The following GLIPR1 variants were observed in gnomAD, a reference collection of about 807,000 sequenced individuals.
GLIPR1 encodes glioma pathogenesis-related protein 1.
Under a neutral mutation model 30.3 loss-of-function variants are expected in GLIPR1, and 38 were observed. The observed-to-expected ratio is 1.26, with a 90% CI of 0.97 to 1.65. The LOEUF is 1.65. Ranked by LOEUF, GLIPR1 falls within the 40% of genes most tolerant of loss-of-function variation. GLIPR1 has a pLI of 0.00. For missense variants in GLIPR1, 285 were observed against 326.5 expected (o/e 0.87, Z 0.98); for synonymous variants, 122 against 110.6 (o/e 1.10, Z -0.65).
intron 2 of GLIPR1, among the ~76,000 whole-genome samples, chr12:75,486,816 T>C (rs972491210): frequency 3.3e-5 from 5 of 150,844 alleles, no homozygotes; most frequent in Admixed American, 6.6e-5. Flanking sequence ...CTGGTGGGGG[T>C]TGACCACAAA....
Position 75,490,555 on chromosome 12 carries a change from C to CA in GLIPR1, c.533+37_533+38insA. 3 of 134,546 alleles carry CA rather than the reference C, an allele frequency of 2.2e-5. 1 individual carries two copies. The highest frequency in any genetic ancestry group is 3.3e-5 in the Non-Finnish European group (3 of 89,684). 8.3% of individuals were successfully genotyped at this position (134,546 alleles called of 1,614,324 possible). A position where few individuals can be genotyped will look rare whatever the true frequency, so the allele number is the denominator to read the frequency against. Reference sequence around the variant, plus strand: ...AATCAACCGGTTTATAGGAAACGCCCCCCCCCCCCCGCAAAAAAAAACAAC... The same window carrying CA: ...AATCAACCGGTTTATAGGAAACGCCCACCCCCCCCCCGCAAAAAAAAACAAC... On this transcript the variant is annotated intron_variant, in intron 3 of 5. Coordinates refer to ENST00000266659, the MANE Select transcript of GLIPR1 (RefSeq NM_006851.3).
In GLIPR1 at chr12:75,499,515, G is replaced by A. The variant is rs553792124; in HGVS notation, c.*537G>A. On this transcript the variant is annotated 3_prime_UTR_variant, in exon 6 of 6. Coordinates refer to ENST00000266659, the MANE Select transcript of GLIPR1 (RefSeq NM_006851.3). ...AATATTTACTTGTTATCATTAGAGA[G>A]GGAACATCAAATGCTGGGACATCAT... 1 of 187,972 alleles carries A rather than the reference G, an allele frequency of 5.3e-6. No homozygotes were observed. Among genetic ancestry groups the A allele is most frequent in the South Asian group, 1.7e-4 (1 of 6,048 alleles). 11.6% of individuals were successfully genotyped at this position (187,972 alleles called of 1,614,324 possible).
intron 2 of GLIPR1, among the ~76,000 whole-genome samples, chr12:75,488,582 A>C (rs926592937): frequency 9.9e-5 from 15 of 152,102 alleles, no homozygotes; most frequent in East Asian, 1.9e-4. Flanking sequence ...AAAAAACACA[A>C]CACCAAGATG....
chr12:75,501,455 G>T lies in GLIPR1; in HGVS notation c.*2477G>T, dbSNP rs2046393219. On this transcript the variant is annotated 3_prime_UTR_variant, in exon 6 of 6. Coordinates refer to ENST00000266659, the MANE Select transcript of GLIPR1 (RefSeq NM_006851.3). The stretch of plus-strand genomic sequence containing the variant: ...ACAGAAGATGCACTGGCTGCCCTGG[G>T]TTTGTATCTTTCACAACAAAGAGTC... The T allele has an allele frequency of 5.9e-6, 2 of 338,690 alleles. No homozygotes were observed. Among genetic ancestry groups the T allele is most frequent in the South Asian group, 5.5e-5 (1 of 18,238 alleles). 21.0% of individuals were successfully genotyped at this position (338,690 alleles called of 1,614,324 possible). A position where few individuals can be genotyped will look rare whatever the true frequency, so the allele number is the denominator to read the frequency against.
chr12:75,499,788 A>T lies in GLIPR1; in HGVS notation c.*810A>T. The T allele has an allele frequency of 6.4e-7, 1 of 1,570,262 alleles. No individual in the cohort carries two copies. Among genetic ancestry groups the T allele is most frequent in the South Asian group, 1.2e-5 (1 of 85,134 alleles). The stretch of plus-strand genomic sequence containing the variant: ...ATCCTTTACAAAAGGAGATAGTTCT[A>T]GTCAAGGAGTTTTGGGTATGTTACT... On this transcript the variant is annotated 3_prime_UTR_variant, in exon 6 of 6. Transcript: ENST00000266659.
rs141837973 is a variant in GLIPR1, at chr12:75,481,930, C to T, written c.271C>T (p.Pro91Ser). ...GCTGAAGCCACCCCACAAGCTGCAC[C>T]CAAACTTCACTTCACTGGGAGAGAA... ...TRLKPPHKLH[P>S]NFTSLGENIW... Residue 91 changes from proline to serine, a missense_variant, in exon 2 of 6, where the codon CCA becomes TCA. Coordinates refer to ENST00000266659, the MANE Select transcript of GLIPR1 (RefSeq NM_006851.3). 6.4e-5 allele frequency: 104 copies of T among 1,614,006 alleles called. No homozygotes were observed. Among genetic ancestry groups the T allele is most frequent in the Non-Finnish European group, 7.9e-5 (93 of 1,180,024 alleles).
intron 4 of GLIPR1, chr12:75,496,338 C>T (rs1192248936): frequency 6.6e-6 from 1 of 151,862 alleles, no homozygotes; most frequent in Non-Finnish European, 1.5e-5. Context: ...CTGGGTGACA[C>T]AGTGAGGGTC....
rs755731203 is a variant in GLIPR1, at chr12:75,490,556, C to CAA, written c.533+38_533+39insAA. ...ATCAACCGGTTTATAGGAAACGCCCCCCCCCCCCCGCAAAAAAAAACAACA... is the reference window on the plus strand; with the variant it reads ...ATCAACCGGTTTATAGGAAACGCCCCAACCCCCCCCCGCAAAAAAAAACAACA... On this transcript the variant is annotated intron_variant, in intron 3 of 5. Transcript: ENST00000266659. 6 of 147,452 alleles carry CAA rather than the reference C, an allele frequency of 4.1e-5. 2 individuals carry two copies. Among genetic ancestry groups the CAA allele is most frequent in the Non-Finnish European group, 6.1e-5 (6 of 97,592 alleles). The allele number at this position is 147,452 out of a possible 1,614,324, so 9.1% of individuals were successfully genotyped here. A position where few individuals can be genotyped will look rare whatever the true frequency, so the allele number is the denominator to read the frequency against.
intron 2 of GLIPR1, among the ~76,000 whole-genome samples, chr12:75,485,533 T>TTTTATTATTTATTTATTTA (rs1555239140): frequency 2.7e-5 from 3 of 110,428 alleles, no homozygotes; most frequent in Non-Finnish European, 6.2e-5. Flanking sequence ...GACAGCTTTA[T>TTTTATTATTTATTTATTTA]TTTATTTATT....
chr12:75,498,489 A>C (rs1224237664), intron 4 of GLIPR1: 4 of 510,966 alleles, frequency 7.8e-6, no homozygotes, highest in South Asian at 3.3e-5. Flanking sequence ...TAAAAGGTTT[A>C]TAAAGTTTAT....
rs1209616336 is a variant in GLIPR1 at position 75,503,778 on chromosome 12, C to T, written c.*4800C>T. 1.2e-6 allele frequency: 1 copy of T among 835,664 alleles called. No homozygotes were observed. The highest frequency in any genetic ancestry group is 1.7e-5 in the African/African-American group (1 of 58,372). The allele number at this position is 835,664 out of a possible 1,614,324, so 51.8% of individuals were successfully genotyped here. The stretch of plus-strand genomic sequence containing the variant: ...TATATTTACCCTCAGTTTCTTATAG[C>T]TCTGCACACACACACACAATATATA... On this transcript the variant is annotated 3_prime_UTR_variant, in exon 6 of 6. Coordinates refer to ENST00000266659, the MANE Select transcript of GLIPR1 (RefSeq NM_006851.3).
Position 75,499,962 on chromosome 12 carries a change from T to C in GLIPR1, c.*984T>C. Reference sequence around the variant, plus strand: ...TAGTTTCAGTAGAAGCTAGACAAATTAAAAGCACAACACATGTAATACTTT... The same window carrying C: ...TAGTTTCAGTAGAAGCTAGACAAATCAAAAGCACAACACATGTAATACTTT... On this transcript the variant is annotated 3_prime_UTR_variant, in exon 6 of 6. Transcript: ENST00000266659. 1 of 1,588,878 alleles carries C rather than the reference T, an allele frequency of 6.3e-7. No individual in the cohort carries two copies.
intron 3 of GLIPR1, chr12:75,490,747 T>G: frequency 2.6e-6 from 1 of 384,438 alleles, no homozygotes; most frequent in Admixed American, 4.3e-5. Flanking sequence ...TGTGTGTACA[T>G]CCTTTATATA....
intron 3 of GLIPR1, chr12:75,495,253 G>C (rs1051585421): frequency 1.0e-4 from 19 of 184,826 alleles, no homozygotes; most frequent in Admixed American, 9.9e-4. Context: ...GGTTTCCTCT[G>C]ACTCTGAAGT....
At chr12:75,495,478 C>A in intron 3 of GLIPR1, 99 bp from the exon 4 acceptor site, 1 of 669,212 alleles carries the variant, frequency 1.5e-6, no homozygotes, top group South Asian at 1.7e-5. Flanking sequence ...CTTTGTACTT[C>A]ACTCCACTAT....
rs765807870 is a variant in GLIPR1 at position 75,480,996 on chromosome 12, G to A, written c.116G>A (p.Arg39Gln). 30 of 1,613,780 alleles carry A rather than the reference G, an allele frequency of 1.9e-5. No homozygotes were observed. Among genetic ancestry groups the A allele is most frequent in the Admixed American group, 3.3e-5 (2 of 59,982 alleles). The change falls in exon 1 of 6, where the codon CGA becomes CAA. Residue 39 changes from arginine (R) to glutamine (Q), a missense_variant. Physicochemically the swap from Arg to Gln is conservative, Grantham distance 43 (BLOSUM62 1). Transcript: ENST00000266659. Reference protein sequence around the residue: ...ENEDFIKDCVRIHNKFRSEVK... With the variant: ...ENEDFIKDCVQIHNKFRSEVK... Reference sequence around the variant, plus strand: ...GAAGATTTCATCAAAGACTGCGTTCGAATCCATAACAAGTTCCGATCAGAG... The same window carrying A: ...GAAGATTTCATCAAAGACTGCGTTCAAATCCATAACAAGTTCCGATCAGAG...
At chr12:75,487,278 G>A (rs562794656) in intron 2 of GLIPR1, among the ~76,000 whole-genome samples, 3 of 152,202 alleles carry the variant, frequency 2.0e-5, no homozygotes, top group Non-Finnish European at 2.9e-5. Flanking sequence ...GTAGGTCTGG[G>A]ACAGGCCCAA....
chr12:75,489,471 C>G (rs1208992291), intron 2 of GLIPR1, among the ~76,000 whole-genome samples: 1 of 152,122 alleles, frequency 6.6e-6, no homozygotes, highest in African/African-American at 2.4e-5. Context: ...GGACTGCAGC[C>G]ACCAAGTTAA....
intron 2 of GLIPR1, among the ~76,000 whole-genome samples, chr12:75,486,698 T>C (rs773071195): frequency 3.9e-5 from 6 of 152,180 alleles, no homozygotes; most frequent in East Asian, 1.9e-4. Context: ...CAAATGCCTA[T>C]ACTAAGTGAA....
Sources: gnomAD v4.1 joint callset for allele counts (sites outside exome capture counted in the v4.1 genomes callset) on GRCh38, gnomAD v4.1.1 for gene constraint, MANE v1.5 for transcripts, NCBI Gene and HGNC (gene_info 2026-07-23, HGNC 2026-07-21) for gene names.